The following LIMA1 variants were observed in gnomAD, a reference collection of about 807,000 sequenced individuals.
LIMA1 encodes LIM domain and actin-binding protein 1.
A neutral mutation model predicts 62.6 loss-of-function variants in LIMA1; 52 were observed. The observed-to-expected ratio is 0.83, with a 90% CI of 0.67 to 1.05. The LOEUF (loss-of-function observed/expected upper bound fraction) is 1.05, where lower values mean the gene tolerates loss of function less well. Among genes scored for constraint, LIMA1 ranks in the 50% least tolerant of loss-of-function variants. LIMA1 has a pLI of 0.00. For synonymous variants in LIMA1, 302 were observed against 317.8 expected, an observed-to-expected ratio of 0.95 and a Z score of 0.53; for missense variants, 780 against 902.2, an observed-to-expected ratio of 0.86 and a Z score of 1.74.
intron 1 of LIMA1, among the ~76,000 whole-genome samples, chr12:50,278,105 G>A (rs1942295948): frequency 6.6e-6 from 1 of 151,604 alleles, no homozygotes; most frequent in Non-Finnish European, 1.5e-5. Context: ...GTGAAACCCT[G>A]TCTCTACTAA....
At chr12:50,219,826 T>A (rs901920058) in intron 4 of LIMA1, 2 of 151,174 alleles carry the variant, frequency 1.3e-5, no homozygotes, top group African/African-American at 4.9e-5. Context: ...GCTGGGACTA[T>A]CAATGCATAC....
At chr12:50,204,028 A>G (rs1941105037) in intron 6 of LIMA1, among the ~76,000 whole-genome samples, 1 of 152,182 alleles carries the variant, frequency 6.6e-6, no homozygotes, top group African/African-American at 2.4e-5. Flanking sequence ...CCTTGTGAAT[A>G]TGCTAAGTAT....
intron 3 of LIMA1, among the ~76,000 whole-genome samples, chr12:50,224,718 A>G (rs560872150): frequency 2.6e-5 from 4 of 152,198 alleles, no homozygotes; most frequent in African/African-American, 9.6e-5. Flanking sequence ...AAATTATAAG[A>G]CAGCATGATC....
chr12:50,204,865 G>A (rs1941123450), intron 5 of LIMA1, among the ~76,000 whole-genome samples, 165 bp from the exon 6 acceptor site: 1 of 152,000 alleles, frequency 6.6e-6, no homozygotes, highest in African/African-American at 2.4e-5. Flanking sequence ...AATTATAGGT[G>A]TAAACCACCG....
At chr12:50,272,705 T>C (rs1049226421) in intron 1 of LIMA1, among the ~76,000 whole-genome samples, 2 of 151,606 alleles carry the variant, frequency 1.3e-5, no homozygotes, top group African/African-American at 4.8e-5. Context: ...GCCACACAAG[T>C]GATAAAATTT....
intron 9 of LIMA1, chr12:50,188,932 A>G (rs368359317): frequency 2.6e-5 from 4 of 152,362 alleles, no homozygotes; most frequent in Admixed American, 1.3e-4. Context: ...TTGATCCCCA[A>G]CCACAACCTG....
chr12:50,246,892 G>GT (rs1941857289), intron 2 of LIMA1, among the ~76,000 whole-genome samples: 1 of 152,156 alleles, frequency 6.6e-6, no homozygotes, highest in Non-Finnish European at 1.5e-5. Flanking sequence ...CTTCCCTGAA[G>GT]GTAAAAATTA....
At chr12:50,181,883 G>T (rs1182461900) in intron 10 of LIMA1, 21 bp downstream of exon 10, 2 of 1,613,794 alleles carry the variant, frequency 1.2e-6, no homozygotes, top group Admixed American at 3.3e-5. Flanking sequence ...TAGACAGATG[G>T]CTTGTTTTGG....
Position 50,177,663 on chromosome 12 carries a change from C to T in LIMA1, c.1681G>A (p.Glu561Lys), listed in dbSNP as rs1565824241. 10 of 1,606,842 alleles carry T rather than the reference C, an allele frequency of 6.2e-6. No individual in the cohort carries two copies. The highest frequency in any genetic ancestry group is 2.2e-5 in the East Asian group (1 of 44,810). Residue 561 changes from glutamate to lysine, a missense_variant, in exon 11 of 11, where the codon GAA becomes AAA. Glu to Lys is a moderately conservative substitution (Grantham distance 56). Coordinates refer to ENST00000341247, the MANE Select transcript of LIMA1 (RefSeq NM_016357.5). ...TCAGGAACTTCGGGCTTGCTGATTT[C>T]GTCTTCAGGAGGCCATTTGGGCTTT... ...MSKPKWPPED[E>K]ISKPEVPEDV...
Position 50,195,868 on chromosome 12 carries a change from C to T in LIMA1, c.992G>A (p.Ser331Asn), listed in dbSNP as rs1184371288. 12 of 1,375,302 alleles carry T rather than the reference C, an allele frequency of 8.7e-6. No homozygotes were observed. In the African/African-American group the frequency reaches 1.8e-4, roughly 21 times the overall value. The allele number at this position is 1,375,302 out of a possible 1,614,324, so 85.2% of individuals were successfully genotyped here. ...GGCAGGGGTGGAACGGACTGCCAGGCTATTCTCATTTGCAGAAATCTACAA... is the reference window on the plus strand; with the variant it reads ...GGCAGGGGTGGAACGGACTGCCAGGTTATTCTCATTTGCAGAAATCTACAA... ...EGEKISANEN[S>N]LAVRSTPAED... The change falls in exon 8 of 11, where the codon AGC becomes AAC. Residue 331 changes from serine (S) to asparagine (N), a missense_variant. By Grantham distance (46) the Ser-to-Asn change is conservative. Coordinates refer to ENST00000341247, the MANE Select transcript of LIMA1 (RefSeq NM_016357.5).
intron 3 of LIMA1, 157 bp from the exon 4 acceptor site, chr12:50,222,642 G>T: frequency 6.5e-7 from 1 of 1,530,956 alleles, no homozygotes; most frequent in Admixed American, 2.0e-5. Context: ...CATGGAGAAA[G>T]CATCCACCCG....
intron 2 of LIMA1, among the ~76,000 whole-genome samples, chr12:50,244,699 C>T (rs2138628085): frequency 6.6e-6 from 1 of 152,316 alleles, no homozygotes; most frequent in African/African-American, 2.4e-5. Context: ...TCCCTCTGCA[C>T]TTTCTCTCTG....
At chr12:50,252,849 GC>G (rs1363138132) in intron 1 of LIMA1, among the ~76,000 whole-genome samples, 2 of 152,092 alleles carry the variant, frequency 1.3e-5, no homozygotes, top group African/African-American at 4.8e-5. Context: ...TTCTGAAAAA[GC>G]ATGTAACATG....
intron 9 of LIMA1, among the ~76,000 whole-genome samples, chr12:50,190,718 T>C (rs74569151): frequency 0.018 from 1,945 of 107,322 alleles, 82 homozygotes; most frequent in African/African-American, 0.075. Flanking sequence ...TTTTTTTTTT[T>C]CAGAAAATGG....
In LIMA1 at chr12:50,231,669, C is replaced by A. The variant is rs145609695; in HGVS notation, c.161G>T (p.Arg54Ile). The A allele has an allele frequency of 3.5e-5, 56 of 1,614,074 alleles. No individual in the cohort carries two copies. The African/African-American group carries it at 5.5e-4, about 16-fold the overall frequency. Residue 54 changes from arginine (R) to isoleucine (I), a missense_variant, in exon 3 of 11, where the codon AGA becomes ATA. Physicochemically the swap from Arg to Ile is moderately conservative, Grantham distance 97. Coordinates refer to ENST00000341247, the MANE Select transcript of LIMA1 (RefSeq NM_016357.5). ...CTGGAATTTCTGAATACTTACACTT[C>A]TCTTCTTCTCCATGTTTGTTTCTTC... Reference protein sequence around the residue: ...AAEETNMEKKRSNTENLSQHF... With the variant: ...AAEETNMEKKISNTENLSQHF...
chr12:50,259,607 A>T (rs534256213), intron 1 of LIMA1, among the ~76,000 whole-genome samples: 2 of 152,338 alleles, frequency 1.3e-5, no homozygotes, highest in South Asian at 4.1e-4. Context: ...AATATAAAAA[A>T]ATGGAACCAC....
At chr12:50,230,014 ACT>A in intron 3 of LIMA1, 1 of 152,324 alleles carries the variant, frequency 6.6e-6, no homozygotes, top group South Asian at 2.1e-4. Context: ...ACTAATCACT[ACT>A]GACACAATTT....
At chr12:50,250,576 A>AG (rs1162288016) in intron 1 of LIMA1, among the ~76,000 whole-genome samples, 1 of 151,072 alleles carries the variant, frequency 6.6e-6, no homozygotes, top group Non-Finnish European at 1.5e-5. Context: ...AAAAAAAAAA[A>AG]AAAAAAAAAA....
intron 8 of LIMA1, among the ~76,000 whole-genome samples, chr12:50,194,864 A>G (rs545492270): frequency 1.1e-3 from 169 of 152,154 alleles, no homozygotes; most frequent in African/African-American, 4.0e-3. Flanking sequence ...CCTGGGCTAC[A>G]TGGTGAAACC....
Sources: allele counts gnomAD v4.1 joint callset (sites outside exome capture counted in the v4.1 genomes callset), GRCh38; gene constraint gnomAD v4.1.1; transcripts MANE v1.5; gene names NCBI Gene and HGNC (gene_info 2026-07-23, HGNC 2026-07-21).